The following ADAP1 variants were observed in gnomAD, a reference collection of about 807,000 sequenced individuals.
ADAP1 encodes the protein ArfGAP with dual PH domains 1.
A neutral mutation model predicts 54.9 loss-of-function variants in ADAP1; 31 were observed. The observed-to-expected ratio is 0.56, with a 90% CI of 0.42 to 0.76. ADAP1 has a LOEUF of 0.76. Ranked by LOEUF, ADAP1 falls within the 30% of genes least tolerant of loss-of-function variation. ADAP1 has a pLI of 0.00. For missense variants in ADAP1, 535 were observed against 512.4 expected, an observed-to-expected ratio of 1.04 and a Z score of -0.42; for synonymous variants, 313 against 202.6, an observed-to-expected ratio of 1.55 and a Z score of -4.63.
intron 2 of ADAP1, among the ~76,000 whole-genome samples, chr7:930,875 G>C (rs1846552215): frequency 6.6e-6 from 1 of 151,816 alleles, no homozygotes; most frequent in African/African-American, 2.4e-5. Context: ...TACTCCTTGG[G>C]AGGCTGAGGC....
At chr7:930,083 G>A (rs1306203395) in intron 2 of ADAP1, among the ~76,000 whole-genome samples, 1 of 108,334 alleles carries the variant, frequency 9.2e-6, no homozygotes, top group Non-Finnish European at 1.7e-5. Flanking sequence ...CAGCCTGGGT[G>A]ACAGAGCAAG....
At position 904,287 on chromosome 7, in the gene ADAP1, G is replaced by T; in HGVS notation, c.502-15C>A. ...GGCTCCTTGGCCTGAGAAGGGGTGG[G>T]GTCTAAGCACCTCACAGGGGCCGTC... On this transcript the variant is annotated splice_polypyrimidine_tract_variant and intron_variant, in intron 5 of 10. Transcript: ENST00000265846. 3 of 1,564,676 alleles carry T rather than the reference G, an allele frequency of 1.9e-6. No individual in the cohort carries two copies. The highest frequency in any genetic ancestry group is 1.4e-5 in the African/African-American group (1 of 73,254).
At chr7:910,667 G>C (rs1396769459) in intron 4 of ADAP1, among the ~76,000 whole-genome samples, 3 of 152,210 alleles carry the variant, frequency 2.0e-5, no homozygotes, top group Non-Finnish European at 4.4e-5. Flanking sequence ...TGTAAACTGG[G>C]GCAGGGAAGC....
chr7:933,347 C>G (rs910028695), intron 2 of ADAP1, among the ~76,000 whole-genome samples: 1 of 152,122 alleles, frequency 6.6e-6, no homozygotes, highest in African/African-American at 2.4e-5. Context: ...ACAGGCACCA[C>G]CCCCACACCT....
At position 898,718 on chromosome 7, in the gene ADAP1, C is replaced by G. The variant is rs907042467; in HGVS notation, c.*203G>C. On this transcript the variant is annotated 3_prime_UTR_variant, in exon 11 of 11. Coordinates refer to ENST00000265846, the MANE Select transcript of ADAP1 (RefSeq NM_006869.4). ...GCAGCAGCATGACGGGGTTAGAGAT[C>G]AGGCCCAGGGCCTGGGCTGCCTGCC... The G allele has an allele frequency of 3.1e-6, 2 of 655,230 alleles. No individual in the cohort carries two copies. Among genetic ancestry groups the G allele is most frequent in the Non-Finnish European group, 5.2e-6 (2 of 383,292 alleles). The allele number at this position is 655,230 out of a possible 1,614,324, so 40.6% of individuals were successfully genotyped here.
In ADAP1 at chr7:920,655, GGAAGACCCGGGATGAGGA is replaced by G; in HGVS notation, c.306-623_306-606del. The G allele has an allele frequency of 1.3e-6, 1 of 769,588 alleles. No individual in the cohort carries two copies. The highest frequency in any genetic ancestry group is 2.0e-6 in the Non-Finnish European group (1 of 493,186). The allele number at this position is 769,588 out of a possible 1,614,324, so 47.7% of individuals were successfully genotyped here. On this transcript the variant is annotated intron_variant, in intron 3 of 10. Transcript: ENST00000265846. The surrounding 1 kb of genome is among the most constrained non-coding windows in gnomAD (Gnocchi z 4.5). ...CTACCGGCAAATACCCAAGAATCCA[GGAAGACCCGGGATGAGGA>G]GAAGCCCCCGAGAGTAAAGCCCGGG...
intron 4 of ADAP1, among the ~76,000 whole-genome samples, chr7:905,817 G>A (rs372932365): frequency 0.014 from 237 of 16,358 alleles, 2 homozygotes; most frequent in Middle Eastern, 0.033. Context: ...GAAAGGAGAA[G>A]GGAGAAGGGA....
chr7:935,671 T>TCCGC (rs1256807274), intron 1 of ADAP1, among the ~76,000 whole-genome samples, 166 bp from the exon 2 acceptor site: 9 of 146,398 alleles, frequency 6.1e-5, no homozygotes, highest in Non-Finnish European at 1.1e-4. Flanking sequence ...TAACCCCAGC[T>TCCGC]CCCCCCCCGC....
At chr7:939,403 G>C (rs1277919244) in intron 1 of ADAP1, among the ~76,000 whole-genome samples, 2 of 151,774 alleles carry the variant, frequency 1.3e-5, no homozygotes, top group Middle Eastern at 3.2e-3. Context: ...ATTTTTAGTA[G>C]AGATGTGGTT....
Position 945,677 on chromosome 7 carries a change from G to T in ADAP1, c.82+8719C>A. On this transcript the variant is annotated intron_variant, in intron 1 of 10. Coordinates refer to ENST00000265846, the MANE Select transcript of ADAP1 (RefSeq NM_006869.4). The surrounding 1 kb of genome is among the most constrained non-coding windows in gnomAD (Gnocchi z 4.2). ...CACAAACATCCAGGCTGCCAGCACC[G>T]TCTCCAGGAGCTGCCTCCTCCTCGG... 2 of 937,914 alleles carry T rather than the reference G, an allele frequency of 2.1e-6. No individual in the cohort carries two copies. Among genetic ancestry groups the T allele is most frequent in the Non-Finnish European group, 2.5e-6 (2 of 786,384 alleles). 58.1% of individuals were successfully genotyped at this position (937,914 alleles called of 1,614,324 possible). A position where few individuals can be genotyped will look rare whatever the true frequency, so the allele number is the denominator to read the frequency against.
In ADAP1 at chr7:904,263, G is replaced by A; in HGVS notation, c.511C>T (p.Pro171Ser). The A allele has an allele frequency of 6.3e-7, 1 of 1,596,262 alleles. No individual in the cohort carries two copies. The highest frequency in any genetic ancestry group is 8.5e-7 in the Non-Finnish European group (1 of 1,170,712). The change falls in exon 6 of 11, where the codon CCC becomes TCC. Residue 171 changes from proline (P) to serine (S), a missense_variant. Coordinates refer to ENST00000265846, the MANE Select transcript of ADAP1 (RefSeq NM_006869.4). The stretch of plus-strand genomic sequence containing the variant: ...TGCTCGATCTTCATCACGGCCTTGG[G>A]CTCCTTGGCCTGAGAAGGGGTGGGG... Reference protein sequence around the residue: ...KYFNRNDAKEPKAVMKIEHLN... With the variant: ...KYFNRNDAKESKAVMKIEHLN...
Position 920,201 on chromosome 7 carries a change from A to C in ADAP1, c.306-151T>G. The C allele has an allele frequency of 1.6e-6, 1 of 635,794 alleles. No individual in the cohort carries two copies. The highest frequency in any genetic ancestry group is 2.7e-6 in the Non-Finnish European group (1 of 368,920). The allele number at this position is 635,794 out of a possible 1,614,324, so 39.4% of individuals were successfully genotyped here. On this transcript the variant is annotated intron_variant, in intron 3 of 10. Coordinates refer to ENST00000265846, the MANE Select transcript of ADAP1 (RefSeq NM_006869.4). This position sits in a 1 kb window ranked among gnomAD's most constrained non-coding sequence, Gnocchi z 4.5. Reference sequence around the variant, plus strand: ...CCCTCTGGGCACAAGATCCCGGAAGAAATGCAGGGTCAGCCTCCTGCCCGG... The same window carrying C: ...CCCTCTGGGCACAAGATCCCGGAAGCAATGCAGGGTCAGCCTCCTGCCCGG...
At chr7:931,391 C>T (rs556839024) in intron 2 of ADAP1, among the ~76,000 whole-genome samples, 48 of 152,182 alleles carry the variant, frequency 3.2e-4, no homozygotes, top group Admixed American at 6.5e-4. Context: ...GCATGTTCTC[C>T]GGCCTTGAAA....
intron 6 of ADAP1, 61 bp from the exon 7 acceptor site, chr7:900,677 GA>G: frequency 7.5e-7 from 1 of 1,334,220 alleles, no homozygotes; most frequent in Non-Finnish European, 1.0e-6. Flanking sequence ...GGTCCCCACA[GA>G]GGGGCTGGGG....
At position 927,642 on chromosome 7, in the gene ADAP1, G is replaced by C. The variant is rs184226789; in HGVS notation, c.214-998C>G. On this transcript the variant is annotated intron_variant, in intron 2 of 10. Transcript: ENST00000265846. The stretch of plus-strand genomic sequence containing the variant: ...AGAGGCTGGCACCAATTTAAAATTC[G>C]AAAACCAATGGCTTTTCCATAGAAA... 2.4e-3 allele frequency: 877 copies of C among 363,104 alleles called. 14 individuals are homozygous for C. The highest frequency in any genetic ancestry group is 8.4e-3 in the South Asian group (431 of 51,032). 22.5% of individuals were successfully genotyped at this position (363,104 alleles called of 1,614,324 possible).
At position 906,402 on chromosome 7, in the gene ADAP1, G is replaced by GA. The variant is rs796366795; in HGVS notation, c.389-1231_389-1230insT. Among the ~76,000 whole-genome samples the GA allele has an allele frequency of 2.3e-3, 21 of 9,042 alleles. 2 individuals carry two copies. The highest frequency in any genetic ancestry group is 3.9e-3 in the Admixed American group (4 of 1,038). The allele number at this position is 9,042 out of a possible 152,430, so 5.9% of individuals were successfully genotyped here. ...AAAGGAGAAAGGAGAAAGGAGAAAG[G>GA]GAAAGGAGAAAGGGAGAAAGGGAAA... On this transcript the variant is annotated intron_variant, in intron 4 of 10. Transcript: ENST00000265846.
At chr7:919,856 A>G in intron 4 of ADAP1, 112 bp downstream of exon 4, 1 of 248,754 alleles carries the variant, frequency 4.0e-6, no homozygotes, top group South Asian at 3.3e-5. Context: ...GGAGGGAAAG[A>G]GATGGGGGAG....
At chr7:902,104 G>A (rs1844847730) in intron 6 of ADAP1, among the ~76,000 whole-genome samples, 1 of 151,866 alleles carries the variant, frequency 6.6e-6, no homozygotes, top group Non-Finnish European at 1.5e-5. Context: ...AATTATCTTT[G>A]GAGGATCAGG....
In ADAP1 at chr7:905,286, G is replaced by T. The variant is rs9769022; in HGVS notation, c.389-114C>A. ...GGGAGAAGACACGGGGGACACGGAC[G>T]GGGGACACGGACAGGGGGAGACGGA... On this transcript the variant is annotated intron_variant, in intron 4 of 10. Coordinates refer to ENST00000265846, the MANE Select transcript of ADAP1 (RefSeq NM_006869.4). 31 of 462,334 alleles carry T rather than the reference G, an allele frequency of 6.7e-5. 1 individual carries two copies. The East Asian group carries it at 1.2e-3, about 18-fold the overall frequency. The allele number at this position is 462,334 out of a possible 1,614,324, so 28.6% of individuals were successfully genotyped here.
Sources: allele counts gnomAD v4.1 joint callset (sites outside exome capture counted in the v4.1 genomes callset), GRCh38; gene constraint gnomAD v4.1.1; non-coding constraint Gnocchi (gnomAD v3.1); transcripts MANE v1.5; gene names NCBI Gene and HGNC (gene_info 2026-07-23, HGNC 2026-07-21).